LTBP4: variants seen among roughly 807,000 people sequenced by gnomAD.
LTBP4 encodes latent transforming growth factor beta binding protein 4, also known as latent-transforming growth factor beta-binding protein 4.
Under a neutral mutation model 180.2 loss-of-function variants are expected in LTBP4, and 93 were observed. The ratio of observed to expected loss-of-function variants is 0.52; its 90% CI spans 0.44 to 0.61. LTBP4 has a LOEUF of 0.61. LTBP4 is among the 20% of genes least tolerant of loss of function. The pLI, the probability that LTBP4 is intolerant of heterozygous loss-of-function variation, is 0.00. For synonymous variants in LTBP4, 947 were observed against 934.5 expected (o/e 1.01, Z -0.24); for missense variants, 2,116 against 2,256.5 (o/e 0.94, Z 1.26).
At chr19:40,620,150 A>G (rs566037756) in intron 22 of LTBP4, among the ~76,000 whole-genome samples, 1 of 152,166 alleles carries the variant, frequency 6.6e-6, no homozygotes, top group East Asian at 1.9e-4. Flanking sequence ...CCAGGGAAAG[A>G]GTCAGGTGCC....
In LTBP4 at chr19:40,627,727, G is replaced by T; in HGVS notation, c.4389G>T (p.Glu1463Asp). 6.3e-7 allele frequency: 1 copy of T among 1,597,620 alleles called. No individual in the cohort carries two copies. The highest frequency in any genetic ancestry group is 2.3e-5 in the East Asian group (1 of 44,080). ...SYAGSLAEPY[E>D]ELEAEECGIL... is the part of the protein sequence containing the mutation. ...CAGGTTCCCTGGCTGAGCCCTACGAGGAGCTGGAGGCGGAGGAGTGCGGGA... is the reference window on the plus strand; with the variant it reads ...CAGGTTCCCTGGCTGAGCCCTACGATGAGCTGGAGGCGGAGGAGTGCGGGA... Residue 1463 changes from glutamate (E) to aspartate (D), a missense_variant, in exon 29 of 30, where the codon GAG (glutamate) becomes GAT (aspartate). Glu to Asp is a conservative substitution (Grantham distance 45, BLOSUM62 2). Around this residue, in one of 5 missense-constraint regions of LTBP4, gnomAD observed 488 missense variants for 458.8 expected, o/e 1.06. Transcript: ENST00000396819.
In LTBP4 at chr19:40,606,475, T is replaced by G. The variant is rs1157872824; in HGVS notation, c.940T>G (p.Cys314Gly). The stretch of plus-strand genomic sequence containing the variant: ...TGCAAACACGCGCGGCGGGTACACG[T>G]GTGTGTGCCCCGACGGCTTTCTGCT... ...ECANTRGGYTCVCPDGFLLDS... is the reference protein window; with the variant it reads ...ECANTRGGYTGVCPDGFLLDS... The change falls in exon 6 of 30, where the codon TGT becomes GGT. Residue 314 changes from cysteine to glycine, a missense_variant. Coordinates refer to ENST00000396819, the MANE Select transcript of LTBP4 (RefSeq NM_001042545.2). The G allele has an allele frequency of 6.3e-7, 1 of 1,582,048 alleles. No individual in the cohort carries two copies. Among genetic ancestry groups the G allele is most frequent in the African/African-American group, 1.3e-5 (1 of 74,080 alleles).
upstream of LTBP4, chr19:40,597,184 T>C (rs923858608): frequency 2.9e-6 from 4 of 1,362,694 alleles, no homozygotes; most frequent in Admixed American, 3.5e-5. Flanking sequence ...GGGGCTAGCC[T>C]GACCCGCTGG....
At chr19:40,599,301 G>T, upstream of LTBP4, 1 of 1,613,112 alleles carries the variant, frequency 6.2e-7, no homozygotes, top group Non-Finnish European at 8.5e-7. Context: ...AAAGGGAATA[G>T]GAGGAGAGGG....
chr19:40,598,373 A>AC (rs980192560), upstream of LTBP4, among the ~76,000 whole-genome samples: 29 of 68,040 alleles, frequency 4.3e-4, no homozygotes, highest in East Asian at 3.1e-3. Context: ...CCCTCTCTGC[A>AC]CCCCCCCACT....
At chr19:40,600,075 G>A (rs2081412819), upstream of LTBP4, 1 of 1,264,050 alleles carries the variant, frequency 7.9e-7, no homozygotes, top group Non-Finnish European at 1.0e-6. This position sits in a 1 kb window ranked among gnomAD's most constrained non-coding sequence, Gnocchi z 4.4. Flanking sequence ...CAGGCTCCAG[G>A]AGGCCAGAGC....
In LTBP4 at chr19:40,611,976, A is replaced by T. The variant is rs1297706109; in HGVS notation, c.2171A>T (p.Glu724Val). The T allele has an allele frequency of 6.2e-7, 1 of 1,611,928 alleles. No individual in the cohort carries two copies. The highest frequency in any genetic ancestry group is 8.5e-7 in the Non-Finnish European group (1 of 1,178,966). The change falls in exon 14 of 30, where the codon GAG becomes GTG. Residue 724 changes from glutamate (E) to valine (V), a missense_variant. Glu to Val is a moderately radical substitution (Grantham distance 121, BLOSUM62 -2). Coordinates refer to ENST00000396819, the MANE Select transcript of LTBP4 (RefSeq NM_001042545.2). The surrounding 1 kb of genome is among the most constrained non-coding windows in gnomAD (Gnocchi z 4.4). ...TTCCAACCCAACACTGCTGGCTCCG[A>T]GTGCGAGGGTGAGGCCGGGGAGGGA... ...MGFQPNTAGS[E>V]CEDVDECENH... is the part of the protein sequence containing the mutation.
rs754607838 is a variant in LTBP4, at chr19:40,613,436, T to C, written c.2464T>C (p.Phe822Leu). 1 of 1,605,452 alleles carries C rather than the reference T, an allele frequency of 6.2e-7. No individual in the cohort carries two copies. Among genetic ancestry groups the C allele is most frequent in the Non-Finnish European group, 8.5e-7 (1 of 1,176,400 alleles). Residue 822 changes from phenylalanine (F) to leucine (L), a missense_variant, in exon 17 of 30, where the codon TTC becomes CTC. Phe to Leu is a conservative substitution (Grantham distance 22). Coordinates refer to ENST00000396819, the MANE Select transcript of LTBP4 (RefSeq NM_001042545.2). The surrounding 1 kb of genome is among the most constrained non-coding windows in gnomAD (Gnocchi z 5.0). ...CGAGTGCCTGGAGGGCGATTTCTGCTTCCCTCACGGCGAGTGCCTCAACAC... is the reference window on the plus strand; with the variant it reads ...CGAGTGCCTGGAGGGCGATTTCTGCCTCCCTCACGGCGAGTGCCTCAACAC... ...VNECLEGDFC[F>L]PHGECLNTDG...
At chr19:40,598,331 C>T (rs972473412), upstream of LTBP4, among the ~76,000 whole-genome samples, 3 of 152,078 alleles carry the variant, frequency 2.0e-5, no homozygotes, top group Admixed American at 6.5e-5. Flanking sequence ...TCGGCCCCAC[C>T]CACCTGAGAG....
chr19:40,615,193 C>CGGTGGGG, intron 19 of LTBP4: 1 of 23,596 alleles, frequency 4.2e-5, no homozygotes, highest in South Asian at 2.1e-3. Flanking sequence ...TTTGTGTCGG[C>CGGTGGGG]GGGGGGGGGG....
chr19:40,594,332 G>A (rs1291245154), intron 1 of LTBP4, among the ~76,000 whole-genome samples: 2 of 151,978 alleles, frequency 1.3e-5, no homozygotes, highest in Non-Finnish European at 2.9e-5. Flanking sequence ...AGATGAGTTA[G>A]GATTCAAGAG....
rs1322060383 is a variant in LTBP4, at chr19:40,622,197, C to T, written c.3218-204C>T. On this transcript the variant is annotated intron_variant, in intron 22 of 29. Transcript: ENST00000396819. The surrounding 1 kb of genome is among the most constrained non-coding windows in gnomAD (Gnocchi z 5.1). The stretch of plus-strand genomic sequence containing the variant: ...GACGGGAAAGTGTGAGGTGGGGAGG[C>T]AAGAGATGCAGAAATGACAGGAGGT... Among the ~76,000 whole-genome samples the T allele has an allele frequency of 6.6e-6, 1 of 152,138 alleles. No homozygotes were observed. Among genetic ancestry groups the T allele is most frequent in the Admixed American group, 6.5e-5 (1 of 15,268 alleles).
At position 40,626,983 on chromosome 19, in the gene LTBP4, G is replaced by C; in HGVS notation, c.3994G>C (p.Glu1332Gln). ...TTGGCTCCTGTTCCCAGATGACTTC[G>C]AGGCCCTGTGCAATGTGCTACGCCC... The part of the protein sequence containing the change: ...LCPAQDSDDF[E>Q]ALCNVLRPPA... Residue 1332 changes from glutamate to glutamine, a missense_variant, in exon 28 of 30, where the codon GAG becomes CAG. Physicochemically the swap from Glu to Gln is conservative, Grantham distance 29 (BLOSUM62 2). Transcript: ENST00000396819. 1 of 1,554,780 alleles carries C rather than the reference G, an allele frequency of 6.4e-7. No individual in the cohort carries two copies. Among genetic ancestry groups the C allele is most frequent in the Admixed American group, 1.8e-5 (1 of 54,224 alleles).
In LTBP4 at chr19:40,609,652, C is replaced by G. The variant is rs770158909; in HGVS notation, c.1549C>G (p.Arg517Gly). 5 of 1,613,072 alleles carry G rather than the reference C, an allele frequency of 3.1e-6. No homozygotes were observed. Among genetic ancestry groups the G allele is most frequent in the East Asian group, 2.2e-5 (1 of 44,888 alleles). ...SGFRLSPQGTRCIDVDECRRV... is the reference protein window; with the variant it reads ...SGFRLSPQGTGCIDVDECRRV... ...CTTCCGGCTCAGCCCCCAGGGCACC[C>G]GATGCATTGGTGAGCAAGACGGAGG... is the stretch of plus-strand genomic sequence containing the variant. Residue 517 changes from arginine (R) to glycine (G), a missense_variant, in exon 10 of 30, where the codon CGA becomes GGA. Transcript: ENST00000396819. This position sits in a 1 kb window ranked among gnomAD's most constrained non-coding sequence, Gnocchi z 4.9.
chr19:40,597,491 T>A, upstream of LTBP4: 1 of 1,229,640 alleles, frequency 8.1e-7, no homozygotes, highest in Non-Finnish European at 1.1e-6. Flanking sequence ...GATGTGGAGA[T>A]GCAAAGAGGG....
intron 19 of LTBP4, among the ~76,000 whole-genome samples, chr19:40,614,949 G>A (rs1292250077): frequency 6.6e-6 from 1 of 152,110 alleles, no homozygotes; most frequent in African/African-American, 2.4e-5. Flanking sequence ...GCCCCCGCCC[G>A]TTTAAGCTCT....
At chr19:40,614,968 T>C (rs1437644962) in intron 19 of LTBP4, among the ~76,000 whole-genome samples, 1 of 152,158 alleles carries the variant, frequency 6.6e-6, no homozygotes, top group East Asian at 1.9e-4. Flanking sequence ...CTGCCCTTCC[T>C]TGGTCTCTCT....
chr19:40,608,242 G>A lies in LTBP4; in HGVS notation c.1179G>A (p.Pro393=), dbSNP rs1326059671. Residue 393 remains proline (P), a synonymous_variant, in exon 8 of 30, where the codon CCG becomes CCA. Transcript: ENST00000396819. ...CAGAGGGTTTCCGGGAGATCTGCCC[G>A]GCTGGTCCTGGTTACCACTACTCGG... ...FGSEGFREIC[P]AGPGYHYSAS... 1.2e-5 allele frequency: 19 copies of A among 1,613,806 alleles called. No individual in the cohort carries two copies. Among genetic ancestry groups the A allele is most frequent in the African/African-American group, 6.7e-5 (5 of 74,914 alleles).
intron 1 of LTBP4, among the ~76,000 whole-genome samples, chr19:40,595,772 G>C (rs1452794308): frequency 6.6e-6 from 1 of 151,956 alleles, no homozygotes; most frequent in East Asian, 1.9e-4. Flanking sequence ...CCAGGCTGGA[G>C]TGCAGTGCAG....
Sources: allele counts gnomAD v4.1 joint callset (sites outside exome capture counted in the v4.1 genomes callset), GRCh38; gene constraint gnomAD v4.1.1; regional missense constraint gnomAD v4.1.1; non-coding constraint Gnocchi (gnomAD v3.1); transcripts MANE v1.5; gene names NCBI Gene and HGNC (gene_info 2026-07-23, HGNC 2026-07-21).